Variants in PI4KA observed in about 807,000 individuals in gnomAD.
PI4KA encodes PI4-kinase alpha.
In PI4KA, 122 loss-of-function variants were observed where a neutral mutation model predicts 271.4. The observed-to-expected ratio is 0.45, with a 90% CI of 0.39 to 0.52. The LOEUF (loss-of-function observed/expected upper bound fraction) is 0.52, where lower values mean the gene tolerates loss of function less well. PI4KA is among the 20% of genes least tolerant of loss of function. PI4KA has a pLI of 0.00. For missense variants in PI4KA, 1,969 were observed against 2,769.1 expected (o/e 0.71, Z 6.48); for synonymous variants, 1,041 against 1,078.8 (o/e 0.96, Z 0.69).
intron 19 of PI4KA, among the ~76,000 whole-genome samples, chr22:20,790,834 T>C (rs1374043987): frequency 1.3e-5 from 2 of 152,120 alleles, no homozygotes; most frequent in African/African-American, 2.4e-5. Context: ...CTCTGTGCTC[T>C]TTGTTGAGCA....
rs140534357 is a variant in PI4KA at position 20,752,956 on chromosome 22, G to T, written c.2934C>A (p.Ile978=). The T allele has an allele frequency of 1.9e-6, 3 of 1,614,014 alleles. No homozygotes were observed. Among genetic ancestry groups the T allele is most frequent in the Non-Finnish European group, 2.5e-6 (3 of 1,179,964 alleles). Residue 978 remains isoleucine (I), a synonymous_variant, in exon 25 of 55, where the codon ATC becomes ATA. Transcript: ENST00000255882. ...AQFLLVNFNH[I]HKRIRRVADK... ...CTGCCACCCTCCTTATCCTCTTGTGGATGTGGTTGAAGTTCACCAACAGGA... is the reference window on the plus strand; with the variant it reads ...CTGCCACCCTCCTTATCCTCTTGTGTATGTGGTTGAAGTTCACCAACAGGA...
At chr22:20,793,290 T>C (rs780367143) in intron 18 of PI4KA, 47 bp from the exon 19 acceptor site, 22 of 1,119,284 alleles carry the variant, frequency 2.0e-5, no homozygotes, top group Non-Finnish European at 2.8e-5. Flanking sequence ...GTGTTTCTTT[T>C]ATTAAAAAAA....
intron 19 of PI4KA, among the ~76,000 whole-genome samples, chr22:20,774,686 G>A (rs779511567): frequency 5.9e-5 from 9 of 151,698 alleles, no homozygotes; most frequent in Non-Finnish European, 1.3e-4. Flanking sequence ...GCTTAAACCC[G>A]GGAGGCAGAG....
At chr22:20,755,531 T>C (rs768051279) in intron 23 of PI4KA, among the ~76,000 whole-genome samples, 7 of 152,186 alleles carry the variant, frequency 4.6e-5, no homozygotes, top group Admixed American at 6.5e-5. Context: ...CTGGGCACAG[T>C]GGCTCATGCC....
intron 50 of PI4KA, among the ~76,000 whole-genome samples, chr22:20,711,776 C>T (rs1264103415): frequency 1.3e-5 from 2 of 152,002 alleles, no homozygotes; most frequent in Non-Finnish European, 2.9e-5. Flanking sequence ...AATGGAGTCT[C>T]GCTCTGTCGC....
rs145139564 is a variant in PI4KA, at chr22:20,772,878, C to T, written c.2329-7185G>A. ...GCTGAAGCAGGAGGATCACTTGAGC[C>T]CAAGAGTTCAAGACCAGCCTAGGCA... is the stretch of plus-strand genomic sequence containing the variant. On this transcript the variant is annotated intron_variant, in intron 19 of 54. Coordinates refer to ENST00000255882, the MANE Select transcript of PI4KA (RefSeq NM_058004.4). 3.1e-3 allele frequency among the ~76,000 whole-genome samples: 473 copies of T among 152,180 alleles called. 2 individuals carry two copies. The highest frequency in any genetic ancestry group is 0.011 in the African/African-American group (450 of 41,502).
chr22:20,710,393 C>T (rs1015968252), intron 52 of PI4KA: 18 of 541,660 alleles, frequency 3.3e-5, no homozygotes, highest in Middle Eastern at 5.1e-4. Context: ...ATCTTTGGCA[C>T]GTAGCCTGTG....
intron 19 of PI4KA, chr22:20,786,939 TG>T (rs1569033215): frequency 6.2e-7 from 1 of 1,614,082 alleles, no homozygotes; most frequent in Non-Finnish European, 8.5e-7. Flanking sequence ...GTGACCACGG[TG>T]GGGTTCATGC....
At chr22:20,832,638 A>G (rs1275358523) in intron 3 of PI4KA, among the ~76,000 whole-genome samples, 2 of 152,030 alleles carry the variant, frequency 1.3e-5, no homozygotes, top group African/African-American at 4.8e-5. Flanking sequence ...TATTTTTAGT[A>G]GAGATGGGGT....
At chr22:20,756,415 T>C (rs568770058) in intron 23 of PI4KA, among the ~76,000 whole-genome samples, 1 of 152,150 alleles carries the variant, frequency 6.6e-6, no homozygotes, top group East Asian at 1.9e-4. Flanking sequence ...AGATGGGGTT[T>C]CTCCGTGTTG....
intron 51 of PI4KA, 61 bp from the exon 52 acceptor site, chr22:20,710,919 G>A (rs1219229221): frequency 1.3e-6 from 2 of 1,593,964 alleles, no homozygotes; most frequent in East Asian, 2.2e-5. Flanking sequence ...AAGGACAAGT[G>A]GTCTGTTTTG....
At chr22:20,725,012 A>AG (rs1927184709) in intron 42 of PI4KA, among the ~76,000 whole-genome samples, 1 of 152,196 alleles carries the variant, frequency 6.6e-6, no homozygotes, top group African/African-American at 2.4e-5. Context: ...GGCACTACCT[A>AG]GTGAGGGCAG....
Position 20,767,675 on chromosome 22 carries a change from C to A in PI4KA, c.2329-1982G>T, listed in dbSNP as rs552705418. ...TTTGAGATGGAGTCTTGCTCTGTCG[C>A]CCAGGCTGGAGTGCCGAGGCACAAC... On this transcript the variant is annotated intron_variant, in intron 19 of 54. Coordinates refer to ENST00000255882, the MANE Select transcript of PI4KA (RefSeq NM_058004.4). Among the ~76,000 whole-genome samples the A allele has an allele frequency of 8.6e-5, 13 of 151,664 alleles. 1 individual carries two copies. The South Asian group carries it at 2.7e-3, about 31-fold the overall frequency.
At chr22:20,841,518 G>A (rs1925553092) in intron 1 of PI4KA, among the ~76,000 whole-genome samples, 1 of 152,092 alleles carries the variant, frequency 6.6e-6, no homozygotes, top group South Asian at 2.1e-4. Flanking sequence ...TACTTTAAAA[G>A]CCAGGCATAG....
At chr22:20,718,504 C>T (rs1926294439) in intron 44 of PI4KA, among the ~76,000 whole-genome samples, 189 bp downstream of exon 44, 1 of 152,212 alleles carries the variant, frequency 6.6e-6, no homozygotes, top group Non-Finnish European at 1.5e-5. Flanking sequence ...AGCCCTGGCT[C>T]ACCCCAAGCA....
At position 20,842,541 on chromosome 22, in the gene PI4KA, C is replaced by T. The variant is rs370279836; in HGVS notation, c.157-3810G>A. Among the ~76,000 whole-genome samples, 18 of 151,870 alleles carry T rather than the reference C, an allele frequency of 1.2e-4. No individual in the cohort carries two copies. The South Asian group carries it at 2.9e-3, about 25-fold the overall frequency. On this transcript the variant is annotated intron_variant, in intron 1 of 54. Coordinates refer to ENST00000255882, the MANE Select transcript of PI4KA (RefSeq NM_058004.4). ...AGATTACAGGCAATAGGCCGGGCAC[C>T]GTGGCTCACACCTGTAATCCCAGCA...
chr22:20,824,116 A>G (rs771733165), intron 4 of PI4KA, among the ~76,000 whole-genome samples: 2 of 152,060 alleles, frequency 1.3e-5, no homozygotes, highest in Non-Finnish European at 2.9e-5. Context: ...AAAGAAAAAA[A>G]AAAAAAGAAA....
intron 14 of PI4KA, 76 bp downstream of exon 14, chr22:20,801,897 A>C (rs529843123): frequency 1.4e-4 from 212 of 1,508,164 alleles, no homozygotes; most frequent in Admixed American, 1.9e-4. Context: ...AAAAAGAAGT[A>C]TAAATGTCTC....
intron 36 of PI4KA, among the ~76,000 whole-genome samples, chr22:20,730,270 A>C (rs1330854578): frequency 1.5e-5 from 2 of 130,058 alleles, no homozygotes; most frequent in South Asian, 2.4e-4. Context: ...AAATTTATTT[A>C]TTTATTTACT....
Sources: gnomAD v4.1 joint callset for allele counts (sites outside exome capture counted in the v4.1 genomes callset) on GRCh38, gnomAD v4.1.1 for gene constraint, MANE v1.5 for transcripts, NCBI Gene and HGNC (gene_info 2026-07-23, HGNC 2026-07-21) for gene names.